Variants in CDH12 observed in about 807,000 individuals in gnomAD.
CDH12 encodes cadherin-12.
A neutral mutation model predicts 74.1 loss-of-function variants in CDH12; 41 were observed. The ratio of observed to expected loss-of-function variants is 0.55; its 90% confidence interval spans 0.43 to 0.72. The LOEUF is 0.72. Ranked by LOEUF, CDH12 falls within the 30% of genes least tolerant of loss-of-function variation. CDH12 has a pLI of 0.00. For missense variants in CDH12, 945 were observed against 977.2 expected (o/e 0.97, Z 0.44); for synonymous variants, 399 against 355.0 (o/e 1.12, Z -1.39).
At chr5:22,032,178 A>C (rs1738864993) in intron 5 of CDH12, among the ~76,000 whole-genome samples, 1 of 152,054 alleles carries the variant, frequency 6.6e-6, no homozygotes, top group African/African-American at 2.4e-5. Flanking sequence ...TGTGCTTATA[A>C]ATATTAATCA....
At chr5:22,331,641 G>T (rs1739357273) in intron 3 of CDH12, among the ~76,000 whole-genome samples, 1 of 152,128 alleles carries the variant, frequency 6.6e-6, no homozygotes, top group Non-Finnish European at 1.5e-5. Flanking sequence ...AGTAAAACAT[G>T]ACCTCACCAA....
intron 3 of CDH12, among the ~76,000 whole-genome samples, chr5:22,251,735 G>T (rs1267829449): frequency 6.6e-6 from 1 of 152,078 alleles, no homozygotes; most frequent in African/African-American, 2.4e-5. Context: ...CACAGAAAAA[G>T]AAAGTGTTGG....
chr5:21,844,349 C>CAAAAA (rs112653308), intron 7 of CDH12, among the ~76,000 whole-genome samples: 1 of 148,048 alleles, frequency 6.8e-6, no homozygotes. Context: ...ATTTCAACTC[C>CAAAAA]AAAAAAAAAA....
intron 3 of CDH12, among the ~76,000 whole-genome samples, chr5:22,323,282 T>G (rs971656414): frequency 2.6e-5 from 4 of 152,132 alleles, no homozygotes; most frequent in African/African-American, 9.7e-5. Flanking sequence ...TATATATAAT[T>G]CATAGTATTA....
chr5:22,749,789 T>A (rs1296349078), intron 1 of CDH12, among the ~76,000 whole-genome samples: 1 of 152,190 alleles, frequency 6.6e-6, no homozygotes, highest in Non-Finnish European at 1.5e-5. Flanking sequence ...TTGCAGATGT[T>A]CAAAACTGCA....
intron 1 of CDH12, among the ~76,000 whole-genome samples, chr5:22,777,939 G>A (rs936985810): frequency 2.6e-5 from 4 of 151,884 alleles, no homozygotes; most frequent in Admixed American, 6.6e-5. Flanking sequence ...CCAGCTTCCC[G>A]AGTAGTTGGG....
chr5:22,391,125 G>A (rs923894281), intron 3 of CDH12, among the ~76,000 whole-genome samples: 1 of 152,140 alleles, frequency 6.6e-6, no homozygotes, highest in African/African-American at 2.4e-5. Flanking sequence ...ACAGAGCACT[G>A]TGTCTTTCTC....
intron 2 of CDH12, among the ~76,000 whole-genome samples, chr5:22,443,197 C>T (rs892508542): frequency 2.6e-5 from 4 of 152,070 alleles, no homozygotes; most frequent in African/African-American, 4.8e-5. Context: ...TAGCAGAGTA[C>T]GTTTTTGTAT....
chr5:22,067,930 A>G (rs1293728961), intron 5 of CDH12, among the ~76,000 whole-genome samples: 4 of 152,098 alleles, frequency 2.6e-5, no homozygotes, highest in Non-Finnish European at 4.4e-5. Flanking sequence ...GTGAGCAGAG[A>G]TCGCACCACT....
chr5:22,483,539 G>A (rs1447881426), intron 2 of CDH12, among the ~76,000 whole-genome samples: 1 of 150,762 alleles, frequency 6.6e-6, no homozygotes, highest in Non-Finnish European at 1.5e-5. Flanking sequence ...AGACCATGTA[G>A]TGATGGAAGA....
At chr5:22,816,188 G>T (rs1044276807) in intron 1 of CDH12, among the ~76,000 whole-genome samples, 2 of 152,022 alleles carry the variant, frequency 1.3e-5, no homozygotes, top group Non-Finnish European at 2.9e-5. Context: ...TTGAAAATTT[G>T]CTTAAATTAT....
rs1580084875 is a variant in CDH12, at chr5:21,995,602, A to G, written c.232-20217T>C. 3.3e-5 allele frequency among the ~76,000 whole-genome samples: 5 copies of G among 151,930 alleles called. No homozygotes were observed. In the South Asian group the frequency reaches 1.0e-3, roughly 32 times the overall value. ...GTGGAAAAATGCGGGGCCAGGGTTCAGTTTCTCCCCACTCCCCTTTCCCAA... is the reference window on the plus strand; with the variant it reads ...GTGGAAAAATGCGGGGCCAGGGTTCGGTTTCTCCCCACTCCCCTTTCCCAA... On this transcript the variant is annotated intron_variant, in intron 5 of 14. Coordinates refer to ENST00000382254, the MANE Select transcript of CDH12 (RefSeq NM_004061.5).
rs550256880 is a variant in CDH12, at chr5:22,471,781, T to C, written c.-428+33489A>G. 8.5e-5 allele frequency among the ~76,000 whole-genome samples: 13 copies of C among 152,330 alleles called. No homozygotes were observed. The South Asian group carries it at 2.7e-3, about 32-fold the overall frequency. ...GTGACTCCTATTTTCTTGTTTCCTT[T>C]ATTTAGTTGACAGAACACCCTAATC... On this transcript the variant is annotated intron_variant, in intron 2 of 14. Transcript: ENST00000382254.
intron 6 of CDH12, among the ~76,000 whole-genome samples, chr5:21,860,415 A>G (rs1750983753): frequency 6.6e-6 from 1 of 151,974 alleles, no homozygotes; most frequent in South Asian, 2.1e-4. Flanking sequence ...GGAGTTGTGT[A>G]TGGGTTCAAG....
chr5:21,788,497 T>TA (rs1746317627), intron 10 of CDH12, among the ~76,000 whole-genome samples: 1 of 152,158 alleles, frequency 6.6e-6, no homozygotes, highest in African/African-American at 2.4e-5. Flanking sequence ...ACATTATAGT[T>TA]AAAAAACTAT....
chr5:22,057,415 G>A (rs1041481480), intron 5 of CDH12, among the ~76,000 whole-genome samples: 4 of 151,958 alleles, frequency 2.6e-5, no homozygotes, highest in African/African-American at 7.2e-5. Flanking sequence ...ATTAAGCAGC[G>A]AAGCAAATTA....
chr5:22,720,433 A>G (rs1029531474), intron 1 of CDH12, among the ~76,000 whole-genome samples: 6 of 152,132 alleles, frequency 3.9e-5, no homozygotes, highest in Non-Finnish European at 5.9e-5. Context: ...TTCTTTATAA[A>G]TTACCCTGTC....
At chr5:22,788,421 G>A (rs980038085) in intron 1 of CDH12, among the ~76,000 whole-genome samples, 6 of 151,484 alleles carry the variant, frequency 4.0e-5, no homozygotes, top group East Asian at 1.9e-4. Flanking sequence ...AGAGAAAGAC[G>A]AAGGAAAAGA....
intron 1 of CDH12, among the ~76,000 whole-genome samples, chr5:22,524,003 A>G (rs1408580598): frequency 6.9e-6 from 1 of 144,798 alleles, no homozygotes; most frequent in South Asian, 2.2e-4. Flanking sequence ...TTTTTTTGAG[A>G]CAAGGTTTCA....
Sources: allele counts gnomAD v4.1 joint callset (sites outside exome capture counted in the v4.1 genomes callset), GRCh38; gene constraint gnomAD v4.1.1; transcripts MANE v1.5; gene names NCBI Gene and HGNC (gene_info 2026-07-23, HGNC 2026-07-21).